CCDC33: variants seen among roughly 807,000 people sequenced by gnomAD.
The protein encoded by CCDC33 is coiled-coil domain-containing protein 33.
In CCDC33, 94 loss-of-function variants were observed where a neutral mutation model predicts 91.9. That is an observed-to-expected ratio of 1.02 (90% confidence interval 0.87 to 1.21). The LOEUF (loss-of-function observed/expected upper bound fraction) is 1.21, where lower values mean the gene tolerates loss of function less well. CCDC33 is among the 50% of genes most tolerant of loss of function. The pLI is 0.00. For synonymous variants in CCDC33, 396 were observed against 374.5 expected, an observed-to-expected ratio of 1.06 and a Z score of -0.66; for missense variants, 940 against 935.5, an observed-to-expected ratio of 1.00 and a Z score of -0.06.
intron 2 of CCDC33, among the ~76,000 whole-genome samples, chr15:74,211,167 A>G (rs1382424217): frequency 1.3e-5 from 2 of 151,712 alleles, no homozygotes; most frequent in Non-Finnish European, 2.9e-5. Flanking sequence ...ACACACACAC[A>G]CACACACACA....
intron 11 of CCDC33, among the ~76,000 whole-genome samples, chr15:74,315,108 T>G (rs371423793): frequency 1.1e-3 from 163 of 152,318 alleles, no homozygotes; most frequent in African/African-American, 3.5e-3. Context: ...GCAGAGCAAC[T>G]GTGCGACTCC....
At chr15:74,308,751 C>T (rs1479092042) in intron 11 of CCDC33, among the ~76,000 whole-genome samples, 1 of 152,220 alleles carries the variant, frequency 6.6e-6, no homozygotes, top group East Asian at 1.9e-4. Context: ...TCCACCTCCA[C>T]AGGGTGGACC....
At chr15:74,279,899 T>G in intron 7 of CCDC33, 64 bp from the exon 8 acceptor site, 8 of 1,561,248 alleles carry the variant, frequency 5.1e-6, no homozygotes, top group Non-Finnish European at 6.9e-6. Context: ...ACCAAATATC[T>G]GTGTATGCCT....
At chr15:74,309,454 G>A (rs1349977271) in intron 11 of CCDC33, among the ~76,000 whole-genome samples, 1 of 152,182 alleles carries the variant, frequency 6.6e-6, no homozygotes, top group Non-Finnish European at 1.5e-5. Context: ...GGATCACAGA[G>A]GTGTTTACCT....
chr15:74,268,511 C>A, intron 5 of CCDC33, 53 bp downstream of exon 5: 1 of 1,346,968 alleles, frequency 7.4e-7, no homozygotes, highest in South Asian at 1.2e-5. Flanking sequence ...AAGGGCCAAG[C>A]TTTGAGCAGG....
Position 74,244,062 on chromosome 15 carries a change from G to C in CCDC33, c.99G>C (p.Lys33Asn), listed in dbSNP as rs201484902. 1.3e-4 allele frequency: 38 copies of C among 303,582 alleles called. No homozygotes were observed. The highest frequency in any genetic ancestry group is 2.2e-4 in the Non-Finnish European group (35 of 160,222). 18.8% of individuals were successfully genotyped at this position (303,582 alleles called of 1,614,324 possible). A position where few individuals can be genotyped will look rare whatever the true frequency, so the allele number is the denominator to read the frequency against. The change falls in exon 2 of 19, where the codon AAG becomes AAC. Residue 33 changes from lysine to asparagine, a missense_variant. Coordinates refer to ENST00000398814, the MANE Select transcript of CCDC33 (RefSeq NM_025055.5). The surrounding 1 kb of genome is among the most constrained non-coding windows in gnomAD (Gnocchi z 4.2). ...EPEIGHLSPS[K>N]KETIMVTLHG... ...AGATCGGTCACCTGTCTCCCTCTAAGAAGGAGACCATCATGGTCACCCTCC... is the reference window on the plus strand; with the variant it reads ...AGATCGGTCACCTGTCTCCCTCTAACAAGGAGACCATCATGGTCACCCTCC...
At chr15:74,300,332 A>C (rs1324572784) in intron 11 of CCDC33, 1 of 152,300 alleles carries the variant, frequency 6.6e-6, no homozygotes, top group Non-Finnish European at 1.5e-5. Flanking sequence ...TACGGAGCAC[A>C]GTGTGGAAGA....
At chr15:74,265,474 T>C (rs1408586902) in intron 3 of CCDC33, among the ~76,000 whole-genome samples, 1 of 152,200 alleles carries the variant, frequency 6.6e-6, no homozygotes, top group African/African-American at 2.4e-5. Context: ...GCCTCAAGTG[T>C]CACCAAATTC....
Position 74,236,832 on chromosome 15 carries a change from C to T in CCDC33, c.21+92C>T. On this transcript the variant is annotated intron_variant, in intron 1 of 18. Coordinates refer to ENST00000398814, the MANE Select transcript of CCDC33 (RefSeq NM_025055.5). The stretch of plus-strand genomic sequence containing the variant: ...AGTTTTGTTTGCTCCTTAATCATGA[C>T]AAAAGCTTCCCTTCCCTGGGTCTCA... The T allele has an allele frequency of 5.5e-6, 7 of 1,273,374 alleles. No individual in the cohort carries two copies. In the South Asian group the frequency reaches 9.2e-5, roughly 17 times the overall value. The allele number at this position is 1,273,374 out of a possible 1,614,324, so 78.9% of individuals were successfully genotyped here. A position where few individuals can be genotyped will look rare whatever the true frequency, so the allele number is the denominator to read the frequency against.
At chr15:74,283,262 G>A (rs1220412836) in intron 10 of CCDC33, among the ~76,000 whole-genome samples, 1 of 152,196 alleles carries the variant, frequency 6.6e-6, no homozygotes, top group Non-Finnish European at 1.5e-5. Context: ...CCAACCCTCC[G>A]GGGCCTCTTC....
chr15:74,204,997 C>T lies in CCDC33; in HGVS notation n.89+1899C>T, dbSNP rs117005295. Among the ~76,000 whole-genome samples the T allele has an allele frequency of 4.2e-3, 636 of 152,260 alleles. 21 individuals are homozygous for T. In the East Asian group the frequency reaches 0.066, roughly 16 times the overall value. On this transcript the variant is annotated intron_variant and non_coding_transcript_variant, in intron 1 of 3. Coordinates refer to the CCDC33 transcript ENST00000558645. ...CTTCCTTGGAGGAAGCCTAACTCTG[C>T]CTTCCCCAGGCTGGTTTGGCAGCGA...
chr15:74,282,691 G>A (rs1433518012), intron 10 of CCDC33, among the ~76,000 whole-genome samples: 3 of 152,150 alleles, frequency 2.0e-5, no homozygotes, highest in African/African-American at 7.2e-5. Context: ...TTGGAGGCCC[G>A]TTTTTGGAAT....
At chr15:74,283,936 C>T (rs375978394) in intron 10 of CCDC33, among the ~76,000 whole-genome samples, 54 of 152,206 alleles carry the variant, frequency 3.5e-4, no homozygotes, top group African/African-American at 1.3e-3. Flanking sequence ...CATATGTACA[C>T]GCTCTCACAT....
intron 10 of CCDC33, among the ~76,000 whole-genome samples, chr15:74,294,606 G>A (rs2059644838): frequency 6.6e-6 from 1 of 152,034 alleles, no homozygotes; most frequent in African/African-American, 2.4e-5. Context: ...AATTAGCCAG[G>A]TGTGGTGGCG....
intron 11 of CCDC33, among the ~76,000 whole-genome samples, chr15:74,325,500 A>G (rs1567036182): frequency 1.3e-5 from 2 of 152,032 alleles, no homozygotes; most frequent in African/African-American, 2.4e-5. Context: ...CTCCTCTGTC[A>G]CAGATGTCAC....
At chr15:74,314,160 G>A (rs1298137850) in intron 11 of CCDC33, among the ~76,000 whole-genome samples, 2 of 152,216 alleles carry the variant, frequency 1.3e-5, no homozygotes, top group Non-Finnish European at 2.9e-5. Flanking sequence ...GCACCCCAGG[G>A]TGAGGAGGGG....
At chr15:74,265,065 G>C (rs1160327792) in intron 3 of CCDC33, among the ~76,000 whole-genome samples, 2 of 152,118 alleles carry the variant, frequency 1.3e-5, no homozygotes, top group East Asian at 3.8e-4. Flanking sequence ...AGTGTTCAGG[G>C]TCGCTGTGGG....
At chr15:74,229,784 G>A (rs962989080) in intron 2 of CCDC33, among the ~76,000 whole-genome samples, 4 of 152,200 alleles carry the variant, frequency 2.6e-5, no homozygotes, top group Non-Finnish European at 5.9e-5. Flanking sequence ...CATACATCAA[G>A]CACCCATCTG....
intron 10 of CCDC33, among the ~76,000 whole-genome samples, chr15:74,294,485 C>T (rs527489659): frequency 3.0e-4 from 46 of 151,892 alleles, no homozygotes; most frequent in Admixed American, 1.7e-3. Context: ...CAGTGGCTCA[C>T]GCCTGTAATC....
Sources: gnomAD v4.1 joint callset for allele counts (sites outside exome capture counted in the v4.1 genomes callset) on GRCh38, gnomAD v4.1.1 for gene constraint, Gnocchi (gnomAD v3.1) non-coding constraint, MANE v1.5 for transcripts, NCBI Gene and HGNC (gene_info 2026-07-23, HGNC 2026-07-21) for gene names.